Variants in SEMA6D observed in about 807,000 individuals in gnomAD.
The protein encoded by SEMA6D is semaphorin 6D, also known as semaphorin-6D.
In SEMA6D, 35 loss-of-function variants were observed where a neutral mutation model predicts 106.6. The ratio of observed to expected loss-of-function variants is 0.33; its 90% CI spans 0.25 to 0.44. The LOEUF is 0.44. SEMA6D is among the 20% of genes least tolerant of loss of function. SEMA6D has a pLI of 1.00. For synonymous variants in SEMA6D, 499 were observed against 487.7 expected, an observed-to-expected ratio of 1.02 and a Z score of -0.31; for missense variants, 1,185 against 1,345.9, an observed-to-expected ratio of 0.88 and a Z score of 1.87.
Position 47,316,445 on chromosome 15 carries a change from C to T in SEMA6D, c.-238-95948C>T, listed in dbSNP as rs573531913. Among the ~76,000 whole-genome samples the T allele has an allele frequency of 1.6e-3, 248 of 152,062 alleles. 1 individual carries two copies. The highest frequency in any genetic ancestry group is 2.4e-3 in the Non-Finnish European group (161 of 67,990). ...CTACTTCCAGTATAGTGTTTAAAAG[C>T]AGTAGTGAGAGGGGACATCTTGCCT... On this transcript the variant is annotated intron_variant, in intron 1 of 19. Transcript: ENST00000558014.
chr15:47,765,095 A>G (rs1171461653), intron 13 of SEMA6D, 39 bp downstream of exon 13: 1 of 1,596,730 alleles, frequency 6.3e-7, no homozygotes, highest in East Asian at 2.2e-5. Flanking sequence ...AGCACTGCTC[A>G]AAAATTTTCG....
chr15:47,582,936 A>G (rs2076279219), intron 3 of SEMA6D, among the ~76,000 whole-genome samples: 1 of 152,208 alleles, frequency 6.6e-6, no homozygotes, highest in Non-Finnish European at 1.5e-5. Flanking sequence ...GCCACAAAAT[A>G]TTGCCAAGCC....
At chr15:47,310,875 T>G (rs1174392512) in intron 1 of SEMA6D, among the ~76,000 whole-genome samples, 1 of 152,188 alleles carries the variant, frequency 6.6e-6, no homozygotes, top group Non-Finnish European at 1.5e-5. Flanking sequence ...TGCCGTTTCT[T>G]AACAAATTCA....
intron 2 of SEMA6D, among the ~76,000 whole-genome samples, chr15:47,435,299 C>CTGTTATTTGATTCTGCAG: frequency 1.3e-5 from 2 of 152,152 alleles, no homozygotes; most frequent in Middle Eastern, 3.4e-3. Context: ...AATCATCAAT[C>CTGTTATTTGATTCTGCAG]CCTATCTTTG....
At chr15:47,581,252 C>G (rs1038066311) in intron 3 of SEMA6D, 1 of 411,844 alleles carries the variant, frequency 2.4e-6, no homozygotes, top group Non-Finnish European at 4.8e-6. Context: ...ATGTTGGGCC[C>G]CCAACCCTAT....
chr15:47,696,587 TCTG>T (rs2078704133), intron 4 of SEMA6D, among the ~76,000 whole-genome samples: 1 of 152,178 alleles, frequency 6.6e-6, no homozygotes, highest in African/African-American at 2.4e-5. Flanking sequence ...GGACCTGACA[TCTG>T]CTGTGCAGCT....
At chr15:47,592,393 A>G (rs1354961631) in intron 3 of SEMA6D, among the ~76,000 whole-genome samples, 3 of 152,168 alleles carry the variant, frequency 2.0e-5, no homozygotes, top group Admixed American at 2.0e-4. Context: ...TCAGACTCAG[A>G]CTGCACAGAT....
chr15:47,698,175 A>G (rs1357494226), intron 4 of SEMA6D, among the ~76,000 whole-genome samples: 1 of 152,172 alleles, frequency 6.6e-6, no homozygotes, highest in Non-Finnish European at 1.5e-5. Context: ...ATATTTTTTC[A>G]TTATCCAAAA....
At chr15:47,311,350 C>T (rs1172458868) in intron 1 of SEMA6D, among the ~76,000 whole-genome samples, 1 of 152,168 alleles carries the variant, frequency 6.6e-6, no homozygotes, top group Non-Finnish European at 1.5e-5. Context: ...ATTGCTATCT[C>T]AGAGACACAG....
chr15:47,327,137 C>T (rs1222249674), intron 1 of SEMA6D, among the ~76,000 whole-genome samples: 3 of 152,164 alleles, frequency 2.0e-5, no homozygotes, highest in Non-Finnish European at 4.4e-5. Context: ...GGAACTGGGC[C>T]AGCATCCTGG....
chr15:47,294,142 A>C (rs539605705), intron 1 of SEMA6D, among the ~76,000 whole-genome samples: 2 of 151,862 alleles, frequency 1.3e-5, no homozygotes, highest in South Asian at 2.1e-4. Context: ...AGAAGTTAAG[A>C]ACCTTACAGT....
At chr15:47,326,976 T>C (rs1465605558) in intron 1 of SEMA6D, among the ~76,000 whole-genome samples, 1 of 152,144 alleles carries the variant, frequency 6.6e-6, no homozygotes, top group Non-Finnish European at 1.5e-5. Context: ...TTAGCCAGAG[T>C]TTTATGCCAA....
At chr15:47,267,313 TTC>T (rs962498192) in intron 1 of SEMA6D, among the ~76,000 whole-genome samples, 16 of 152,088 alleles carry the variant, frequency 1.1e-4, no homozygotes, top group Non-Finnish European at 2.1e-4. Flanking sequence ...CTCTTTTTTT[TTC>T]TCTTTCTACT....
chr15:47,231,973 C>T (rs972307455), intron 1 of SEMA6D, among the ~76,000 whole-genome samples: 97 of 151,976 alleles, frequency 6.4e-4, no homozygotes, highest in Non-Finnish European at 1.3e-3. Flanking sequence ...CCATCACCCC[C>T]AAATAACTCC....
chr15:47,610,040 G>A (rs2076864856), intron 4 of SEMA6D, among the ~76,000 whole-genome samples: 1 of 152,216 alleles, frequency 6.6e-6, no homozygotes, highest in Admixed American at 6.5e-5. Context: ...CTGTCCAGCA[G>A]CCTGCAATAG....
At chr15:47,388,536 C>A (rs1031039225) in intron 1 of SEMA6D, among the ~76,000 whole-genome samples, 1 of 152,120 alleles carries the variant, frequency 6.6e-6, no homozygotes, top group Non-Finnish European at 1.5e-5. Context: ...GCACTACCCA[C>A]CTGTTAGTCA....
intron 18 of SEMA6D, among the ~76,000 whole-genome samples, chr15:47,769,939 G>A (rs935680051): frequency 6.6e-6 from 1 of 151,828 alleles, no homozygotes; most frequent in African/African-American, 2.4e-5. Flanking sequence ...AAAAATCCAA[G>A]CAAACATGAA....
At chr15:47,274,278 C>G (rs2034699853) in intron 1 of SEMA6D, 1 of 152,050 alleles carries the variant, frequency 6.6e-6, no homozygotes, top group South Asian at 2.1e-4. Context: ...CTGAAACTTG[C>G]CTGTAAAGCT....
intron 1 of SEMA6D, among the ~76,000 whole-genome samples, chr15:47,262,610 A>G (rs1333283632): frequency 1.3e-5 from 2 of 152,062 alleles, no homozygotes; most frequent in Admixed American, 6.6e-5. Context: ...GGGGATTACT[A>G]CAACTTAAGA....
Sources: allele counts gnomAD v4.1 joint callset (sites outside exome capture counted in the v4.1 genomes callset), GRCh38; gene constraint gnomAD v4.1.1; transcripts MANE v1.5; gene names NCBI Gene and HGNC (gene_info 2026-07-23, HGNC 2026-07-21).